LRRTM4: variants seen among roughly 807,000 people sequenced by gnomAD.
LRRTM4 encodes the protein leucine rich repeat transmembrane neuronal 4, also known as leucine-rich repeat transmembrane neuronal protein 4.
LRRTM4 carries 25 observed loss-of-function variants against 47.6 expected under a neutral mutation model. That is an observed-to-expected ratio of 0.53 (90% CI 0.38 to 0.73). The LOEUF (loss-of-function observed/expected upper bound fraction) is 0.73, where lower values mean the gene tolerates loss of function less well. Among genes scored for constraint, LRRTM4 ranks in the 30% least tolerant of loss-of-function variants. LRRTM4 has a pLI of 0.00. For missense variants in LRRTM4, 638 were observed against 713.4 expected (o/e 0.89, Z 1.20); for synonymous variants, 311 against 269.5 (o/e 1.15, Z -1.51).
chr2:76,855,819 T>A (rs1672132594), intron 3 of LRRTM4, among the ~76,000 whole-genome samples: 2 of 152,076 alleles, frequency 1.3e-5, no homozygotes, highest in South Asian at 4.2e-4. Context: ...GGTGGGGTGG[T>A]GTCTACAGAA....
chr2:77,064,879 C>G (rs997775324), intron 3 of LRRTM4, among the ~76,000 whole-genome samples: 10 of 152,236 alleles, frequency 6.6e-5, no homozygotes, highest in Middle Eastern at 6.8e-3. Context: ...CTACCCTTGA[C>G]TTAACCTACC....
intron 3 of LRRTM4, among the ~76,000 whole-genome samples, chr2:77,047,739 G>A (rs566806593): frequency 6.6e-6 from 1 of 152,128 alleles, no homozygotes; most frequent in African/African-American, 2.4e-5. Context: ...TTCACATTCT[G>A]AGGGACTGGG....
chr2:76,864,376 G>T lies in LRRTM4; in HGVS notation c.1552-115460C>A, dbSNP rs567586122. ...TTAGGAATTTTAAAGAAATGAAGTG[G>T]GCTGGGCGTGGTGGCTCATGCCTGT... On this transcript the variant is annotated intron_variant, in intron 3 of 3. Coordinates refer to ENST00000409884, the MANE Select transcript of LRRTM4 (RefSeq NM_001134745.3). Among the ~76,000 whole-genome samples the T allele has an allele frequency of 3.7e-4, 56 of 152,242 alleles. No individual in the cohort carries two copies. In the South Asian group the frequency reaches 8.5e-3, roughly 23 times the overall value.
At chr2:77,066,973 G>A (rs1271328278) in intron 3 of LRRTM4, among the ~76,000 whole-genome samples, 1 of 152,138 alleles carries the variant, frequency 6.6e-6, no homozygotes, top group Admixed American at 6.5e-5. Flanking sequence ...TTCCCCATGG[G>A]GGAAGTGCCA....
At chr2:77,457,652 T>C (rs1414332803) in intron 3 of LRRTM4, among the ~76,000 whole-genome samples, 2 of 152,154 alleles carry the variant, frequency 1.3e-5, no homozygotes, top group African/African-American at 4.8e-5. Flanking sequence ...ATCTTCCTAC[T>C]GTTCACTTTA....
intron 3 of LRRTM4, among the ~76,000 whole-genome samples, chr2:77,190,876 A>G (rs1009882496): frequency 5.9e-5 from 9 of 152,192 alleles, no homozygotes; most frequent in South Asian, 4.1e-4. Context: ...AAAGGATACT[A>G]TGGCAGTGTG....
At chr2:77,286,254 A>G (rs572228449) in intron 3 of LRRTM4, among the ~76,000 whole-genome samples, 3 of 152,192 alleles carry the variant, frequency 2.0e-5, no homozygotes, top group African/African-American at 7.2e-5. Flanking sequence ...TTTGTTCTTC[A>G]TACTTATCTC....
At chr2:77,376,264 G>A (rs1229494342) in intron 3 of LRRTM4, among the ~76,000 whole-genome samples, 2 of 151,520 alleles carry the variant, frequency 1.3e-5, no homozygotes, top group South Asian at 2.1e-4. Flanking sequence ...TGTTGAAAAC[G>A]TCATACCAAG....
At chr2:77,202,415 G>T (rs1237304155) in intron 3 of LRRTM4, among the ~76,000 whole-genome samples, 1 of 151,974 alleles carries the variant, frequency 6.6e-6, no homozygotes, top group East Asian at 1.9e-4. Context: ...ATTAGAAGTA[G>T]CAGCAGCATC....
intron 3 of LRRTM4, among the ~76,000 whole-genome samples, chr2:77,219,546 A>C (rs1224559575): frequency 1.3e-5 from 2 of 152,192 alleles, no homozygotes; most frequent in African/African-American, 4.8e-5. Context: ...GATAACTTCT[A>C]AGAGGAGGCT....
At chr2:77,496,451 G>T (rs1438957049) in intron 3 of LRRTM4, among the ~76,000 whole-genome samples, 1 of 151,794 alleles carries the variant, frequency 6.6e-6, no homozygotes, top group South Asian at 2.1e-4. Context: ...TATGATGTTA[G>T]TAATCACCTT....
At chr2:77,065,017 C>T (rs543311344) in intron 3 of LRRTM4, among the ~76,000 whole-genome samples, 1 of 152,160 alleles carries the variant, frequency 6.6e-6, no homozygotes, top group South Asian at 2.1e-4. Flanking sequence ...CTATTGAACT[C>T]AACTGTGGCT....
intron 3 of LRRTM4, among the ~76,000 whole-genome samples, chr2:77,255,024 A>T (rs1675724801): frequency 6.6e-6 from 1 of 151,960 alleles, no homozygotes; most frequent in South Asian, 2.1e-4. Flanking sequence ...TGATGCTACT[A>T]CATGTTGTCT....
At chr2:76,799,309 A>G (rs1490749195) in intron 3 of LRRTM4, among the ~76,000 whole-genome samples, 1 of 110,122 alleles carries the variant, frequency 9.1e-6, no homozygotes, top group Middle Eastern at 4.5e-3. Context: ...ACGCAAATCA[A>G]TAAATGTAAT....
chr2:77,136,003 A>T (rs1469549645), intron 3 of LRRTM4, among the ~76,000 whole-genome samples: 2 of 152,200 alleles, frequency 1.3e-5, no homozygotes, highest in Non-Finnish European at 2.9e-5. Flanking sequence ...AAAGGGTATT[A>T]AAAGGTTTAA....
chr2:77,102,357 A>G (rs1326404696), intron 3 of LRRTM4, among the ~76,000 whole-genome samples: 1 of 152,160 alleles, frequency 6.6e-6, no homozygotes, highest in East Asian at 1.9e-4. Flanking sequence ...AGGTTTGTTA[A>G]TTCCACGTAT....
At chr2:77,331,480 A>AT in intron 3 of LRRTM4, among the ~76,000 whole-genome samples, 1 of 152,340 alleles carries the variant, frequency 6.6e-6, no homozygotes, top group East Asian at 1.9e-4. Flanking sequence ...GTACTAAATG[A>AT]TTAAGTAGTA....
chr2:77,034,696 G>A (rs960316220), intron 3 of LRRTM4, among the ~76,000 whole-genome samples: 4 of 151,766 alleles, frequency 2.6e-5, no homozygotes, highest in African/African-American at 7.3e-5. Context: ...CACTTTGGTC[G>A]GGCTGTAGAT....
intron 3 of LRRTM4, among the ~76,000 whole-genome samples, chr2:77,000,245 T>C (rs1445858202): frequency 6.6e-6 from 1 of 151,924 alleles, no homozygotes; most frequent in Non-Finnish European, 1.5e-5. Flanking sequence ...CCCTCATTAG[T>C]GAGCAATTTC....
Sources: allele counts gnomAD v4.1 joint callset (sites outside exome capture counted in the v4.1 genomes callset), GRCh38; gene constraint gnomAD v4.1.1; transcripts MANE v1.5; gene names NCBI Gene and HGNC (gene_info 2026-07-23, HGNC 2026-07-21).